The following PIP5KL1 variants were observed in gnomAD, a reference collection of about 807,000 sequenced individuals.
PIP5KL1 encodes the protein phosphatidylinositol 4-phosphate 5-kinase-like protein 1.
PIP5KL1 carries 45 observed loss-of-function variants against 47.6 expected under a neutral mutation model. That is an observed-to-expected ratio of 0.94 (90% confidence interval 0.74 to 1.21). The LOEUF (loss-of-function observed/expected upper bound fraction) is 1.21, where lower values mean the gene tolerates loss of function less well. PIP5KL1 is among the 50% of genes most tolerant of loss of function. The pLI is 0.00. For missense variants in PIP5KL1, 577 were observed against 547.6 expected (o/e 1.05, Z -0.54); for synonymous variants, 256 against 234.6 (o/e 1.09, Z -0.84).
rs1246719443 is a variant in PIP5KL1 at position 127,921,320 on chromosome 9, C to G, written c.*527G>C. ...CACCTGCATCCCTAGAGTATCAGGC[C>G]AGGAGCAGGGGGCCGGGAGGCCTGG... On this transcript the variant is annotated 3_prime_UTR_variant, in exon 10 of 10. Coordinates refer to ENST00000388747, the MANE Select transcript of PIP5KL1 (RefSeq NM_001135219.2). The G allele has an allele frequency of 3.9e-5, 6 of 154,828 alleles. No individual in the cohort carries two copies. Among genetic ancestry groups the G allele is most frequent in the Non-Finnish European group, 8.6e-5 (6 of 69,666 alleles). 9.6% of individuals were successfully genotyped at this position (154,828 alleles called of 1,614,324 possible).
At chr9:127,926,095 C>T (rs1831357747) in intron 7 of PIP5KL1, 116 bp from the exon 8 acceptor site, 2 of 629,358 alleles carry the variant, frequency 3.2e-6, no homozygotes, top group Non-Finnish European at 5.5e-6. Context: ...ATCCCCAGTC[C>T]TCAGCACAAC....
At position 127,925,210 on chromosome 9, in the gene PIP5KL1, G is replaced by C; in HGVS notation, c.814C>G (p.Leu272Val). 6.2e-7 allele frequency: 1 copy of C among 1,614,022 alleles called. No homozygotes were observed. The highest frequency in any genetic ancestry group is 8.5e-7 in the Non-Finnish European group (1 of 1,180,050). ...TAATCCAGCACGTTGAGCTCCCGGA[G>C]GAAGGTGGTATCCAGTTCCATCTGG... ...LRQMELDTTF[L>V]RELNVLDYSL... The change falls in exon 9 of 10, where the codon CTC (leucine) becomes GTC (valine). Residue 272 changes from leucine to valine, a missense_variant. Leu to Val is a conservative substitution (Grantham distance 32, BLOSUM62 1). Coordinates refer to ENST00000388747, the MANE Select transcript of PIP5KL1 (RefSeq NM_001135219.2).
Position 127,927,230 on chromosome 9 carries a change from G to C in PIP5KL1, c.595-22C>G. 1 of 1,612,684 alleles carries C rather than the reference G, an allele frequency of 6.2e-7. No homozygotes were observed. Among genetic ancestry groups the C allele is most frequent in the Non-Finnish European group, 8.5e-7 (1 of 1,179,720 alleles). ...ACGTCTGGGGGCCGGGACAGGGAGTGAGGGAGGCCGGCTGTCGCCCTCCAG... is the reference window on the plus strand; with the variant it reads ...ACGTCTGGGGGCCGGGACAGGGAGTCAGGGAGGCCGGCTGTCGCCCTCCAG... On this transcript the variant is annotated intron_variant, in intron 6 of 9. Coordinates refer to ENST00000388747, the MANE Select transcript of PIP5KL1 (RefSeq NM_001135219.2). This position sits in a 1 kb window ranked among gnomAD's most constrained non-coding sequence, Gnocchi z 5.5.
chr9:127,927,081 C>G lies in PIP5KL1; in HGVS notation c.650+72G>C, dbSNP rs1831372721. 6.8e-7 allele frequency: 1 copy of G among 1,471,932 alleles called. No homozygotes were observed. Among genetic ancestry groups the G allele is most frequent in the Non-Finnish European group, 9.2e-7 (1 of 1,084,736 alleles). The allele number at this position is 1,471,932 out of a possible 1,614,324, so 91.2% of individuals were successfully genotyped here. On this transcript the variant is annotated intron_variant, in intron 7 of 9. Coordinates refer to ENST00000388747, the MANE Select transcript of PIP5KL1 (RefSeq NM_001135219.2). The surrounding 1 kb of genome is among the most constrained non-coding windows in gnomAD (Gnocchi z 5.5). ...CCTGGGCCTCGGTTTCACCGTCTGG[C>G]TAGTGAGTGTGGGTGCTTCGGGCCG...
chr9:127,925,269 G>A lies in PIP5KL1; in HGVS notation c.764-9C>T. On this transcript the variant is annotated splice_polypyrimidine_tract_variant and intron_variant, in intron 8 of 9. Coordinates refer to ENST00000388747, the MANE Select transcript of PIP5KL1 (RefSeq NM_001135219.2). ...CCAGCTCCGCTGGGGCCCTGCCGGA[G>A]CATCAGTGCCCCCACCTGAGCGCTC... The A allele has an allele frequency of 1.9e-6, 3 of 1,610,622 alleles. No homozygotes were observed. Among genetic ancestry groups the A allele is most frequent in the Non-Finnish European group, 1.7e-6 (2 of 1,179,884 alleles).
intron 1 of PIP5KL1, 78 bp downstream of exon 1, chr9:127,930,645 G>A: frequency 1.1e-5 from 16 of 1,435,858 alleles, no homozygotes; most frequent in Non-Finnish European, 1.4e-5. Context: ...GGGCGTGTCC[G>A]CGCCGCTCGC....
chr9:127,928,196 G>GGCCAGCGTGCCCA lies in PIP5KL1; in HGVS notation c.290_302dup (p.Pro103HisfsTer121). ...GGCGCAGCCAGGCAAAGGCGGGGCC[G>GGCCAGCGTGCCCA]GCCAGCGTGCCCAGCTCGAAGCCCT... On this transcript the variant is annotated frameshift_variant, in exon 4 of 10. Transcript: ENST00000388747. LOFTEE classifies it high-confidence loss of function. 1 of 1,538,354 alleles carries GGCCAGCGTGCCCA rather than the reference G, an allele frequency of 6.5e-7. No homozygotes were observed. Among genetic ancestry groups the GGCCAGCGTGCCCA allele is most frequent in the East Asian group, 2.4e-5 (1 of 40,944 alleles).
At chr9:127,923,908 C>A (rs1831323886) in intron 9 of PIP5KL1, among the ~76,000 whole-genome samples, 1 of 152,216 alleles carries the variant, frequency 6.6e-6, no homozygotes, top group Non-Finnish European at 1.5e-5. Context: ...TCAGTTCTCA[C>A]ATTTCTCAAA....
At position 127,928,449 on chromosome 9, in the gene PIP5KL1, A is replaced by G; in HGVS notation, c.263T>C (p.Leu88Pro). 1.2e-6 allele frequency: 2 copies of G among 1,600,642 alleles called. No individual in the cohort carries two copies. Among genetic ancestry groups the G allele is most frequent in the Non-Finnish European group, 1.7e-6 (2 of 1,175,116 alleles). Residue 88 changes from leucine (L) to proline (P), a missense_variant, in exon 3 of 10, where the codon CTA becomes CCA. Leu to Pro is a moderately conservative substitution (Grantham distance 98). Transcript: ENST00000388747. ...PPSRDDFSEV[L>P]TQVHEGFELG... ...GCCTCCTACCTCGTGAACCTGGGTT[A>G]GGACCTCCGAGAAATCGTCCCGGGA...
In PIP5KL1 at chr9:127,922,024, G is replaced by A. The variant is rs761281109; in HGVS notation, c.1008C>T (p.Asp336=). The change falls in exon 10 of 10, where the codon GAC becomes GAT. Residue 336 remains aspartate (D), a synonymous_variant. Coordinates refer to ENST00000388747, the MANE Select transcript of PIP5KL1 (RefSeq NM_001135219.2). ...PDAPNALHIL[D]GPEQRYFLGV... ...CCAGGAAATAGCGCTGCTCGGGCCC[G>A]TCCAGGATGTGTAGGGCGTTGGGGG... 2.1e-5 allele frequency: 33 copies of A among 1,574,816 alleles called. No individual in the cohort carries two copies. The highest frequency in any genetic ancestry group is 2.8e-5 in the Non-Finnish European group (33 of 1,161,564).
intron 2 of PIP5KL1, chr9:127,928,933 G>C (rs1043629785): frequency 5.3e-6 from 1 of 189,048 alleles, no homozygotes; most frequent in African/African-American, 2.4e-5. Context: ...GGAGGAGCAG[G>C]GTGCTCGCAC....
At position 127,927,157 on chromosome 9, in the gene PIP5KL1, C is replaced by T. The variant is rs754403835; in HGVS notation, c.646G>A (p.Glu216Lys). The T allele has an allele frequency of 1.9e-6, 3 of 1,611,188 alleles. No homozygotes were observed. Among genetic ancestry groups the T allele is most frequent in the East Asian group, 4.5e-5 (2 of 44,782 alleles). Reference protein sequence around the residue: ...SVFYPAGRISERYDIKGCEVS... With the variant: ...SVFYPAGRISKRYDIKGCEVS... ...AAACCTGCTTAGGCCACTCACCTCT[C>T]GGAGATGCGGCCGGCGGGGTAGAAG... is the stretch of plus-strand genomic sequence containing the variant. The change falls in exon 7 of 10, where the codon GAG becomes AAG. Residue 216 changes from glutamate (E) to lysine (K), a missense_variant. Physicochemically the swap from Glu to Lys is moderately conservative, Grantham distance 56. Coordinates refer to ENST00000388747, the MANE Select transcript of PIP5KL1 (RefSeq NM_001135219.2). This position sits in a 1 kb window ranked among gnomAD's most constrained non-coding sequence, Gnocchi z 5.5.
At chr9:127,928,667 G>A in intron 2 of PIP5KL1, 184 bp from the exon 3 acceptor site, 1 of 646,216 alleles carries the variant, frequency 1.5e-6, no homozygotes, top group Non-Finnish European at 2.6e-6. Context: ...TCCCAGGGAT[G>A]CCAGGGGGAC....
rs570227999 is a variant in PIP5KL1, at chr9:127,927,436, G to C, written c.560-105C>G. On this transcript the variant is annotated intron_variant, in intron 5 of 9. Coordinates refer to ENST00000388747, the MANE Select transcript of PIP5KL1 (RefSeq NM_001135219.2). The surrounding 1 kb of genome is among the most constrained non-coding windows in gnomAD (Gnocchi z 5.5). ...GCCACGCCTCCTTCTCAAGATCCGC[G>C]GCACCTGGACCCTTCCTTGGCTGGT... The C allele has an allele frequency of 1.3e-6, 2 of 1,508,046 alleles. No individual in the cohort carries two copies. The highest frequency in any genetic ancestry group is 2.0e-5 in the Admixed American group (1 of 49,114). 93.4% of individuals were successfully genotyped at this position (1,508,046 alleles called of 1,614,324 possible). A position where few individuals can be genotyped will look rare whatever the true frequency, so the allele number is the denominator to read the frequency against.
In PIP5KL1 at chr9:127,925,925, GC is replaced by G; in HGVS notation, c.704del (p.Gly235AlafsTer8). ...CCTTCAGCACCAGAACAAGGGGGCT[GC>G]CCTCAGGGGCGGGATCCACCCAGCG... ...VSRWVDPAPE[G>X]SPLVLVLKDL... On this transcript the variant is annotated frameshift_variant, in exon 8 of 10. Transcript: ENST00000388747. LOFTEE classifies it high-confidence loss of function. 3.7e-6 allele frequency: 6 copies of G among 1,614,074 alleles called. No homozygotes were observed. Among genetic ancestry groups the G allele is most frequent in the Non-Finnish European group, 5.1e-6 (6 of 1,179,998 alleles).
chr9:127,925,331 C>T, intron 8 of PIP5KL1, 71 bp from the exon 9 acceptor site: 3 of 1,537,194 alleles, frequency 2.0e-6, no homozygotes, highest in Non-Finnish European at 2.6e-6. Flanking sequence ...ACACTCTGCC[C>T]CGTGACAGCA....
At position 127,927,415 on chromosome 9, in the gene PIP5KL1, C is replaced by CG; in HGVS notation, c.560-85dup. On this transcript the variant is annotated intron_variant, in intron 5 of 9. Transcript: ENST00000388747. This position sits in a 1 kb window ranked among gnomAD's most constrained non-coding sequence, Gnocchi z 5.5. ...CGGCGCCAATCCCAGCGCCAGGCCA[C>CG]GCCTCCTTCTCAAGATCCGCGGCAC... 6.6e-7 allele frequency: 1 copy of CG among 1,523,062 alleles called. No homozygotes were observed. Among genetic ancestry groups the CG allele is most frequent in the Non-Finnish European group, 8.8e-7 (1 of 1,137,930 alleles). 94.3% of individuals were successfully genotyped at this position (1,523,062 alleles called of 1,614,324 possible). A position where few individuals can be genotyped will look rare whatever the true frequency, so the allele number is the denominator to read the frequency against.
intron 9 of PIP5KL1, among the ~76,000 whole-genome samples, chr9:127,922,697 A>AAG (rs1412684225): frequency 4.1e-5 from 6 of 146,124 alleles, no homozygotes; most frequent in African/African-American, 1.6e-4. Context: ...TCTGTCTCAA[A>AAG]AAAAAAAAAA....
chr9:127,925,082 G>A (rs369409635), intron 9 of PIP5KL1, 25 bp downstream of exon 9: 5 of 1,612,394 alleles, frequency 3.1e-6, no homozygotes, highest in South Asian at 1.1e-5. Flanking sequence ...CCTCAATCTC[G>A]CTGTTGCCCC....
Sources: gnomAD v4.1 joint callset for allele counts (sites outside exome capture counted in the v4.1 genomes callset) on GRCh38, gnomAD v4.1.1 for gene constraint, Gnocchi (gnomAD v3.1) non-coding constraint, MANE v1.5 for transcripts, NCBI Gene and HGNC (gene_info 2026-07-23, HGNC 2026-07-21) for gene names.